Variants in SLC25A12 observed in about 807,000 individuals in gnomAD.
SLC25A12 encodes solute carrier family 25 member 12.
Under a neutral mutation model 83.3 loss-of-function variants are expected in SLC25A12, and 32 were observed. The ratio of observed to expected loss-of-function variants is 0.38; its 90% CI spans 0.29 to 0.52. The LOEUF (loss-of-function observed/expected upper bound fraction) is 0.52. SLC25A12 is among the 20% of genes least tolerant of loss of function. The probability of loss-of-function intolerance (pLI) is 0.84; values close to 1 mark genes in which losing one functional copy is unlikely to be tolerated. For missense variants in SLC25A12, 611 were observed against 835.6 expected, an observed-to-expected ratio of 0.73 and a Z score of 3.31; for synonymous variants, 267 against 291.1, an observed-to-expected ratio of 0.92 and a Z score of 0.84.
chr2:171,812,622 G>GC (rs975760676), intron 11 of SLC25A12, among the ~76,000 whole-genome samples: 25 of 151,682 alleles, frequency 1.6e-4, no homozygotes, highest in Middle Eastern at 3.4e-3. Context: ...AAGACAACGG[G>GC]GGGTGGGGAA....
chr2:171,882,250 C>A (rs759589574), intron 2 of SLC25A12, among the ~76,000 whole-genome samples: 1 of 152,162 alleles, frequency 6.6e-6, no homozygotes, highest in Non-Finnish European at 1.5e-5. Flanking sequence ...AACATACACA[C>A]CTCCCTCACC....
chr2:171,893,053 C>T (rs1185911595), intron 2 of SLC25A12, 152 bp downstream of exon 2: 2 of 588,070 alleles, frequency 3.4e-6, no homozygotes, highest in African/African-American at 3.7e-5. Flanking sequence ...TAAATCAAAC[C>T]TTATTAAGAG....
rs774758106 is a variant in SLC25A12 at position 171,864,665 on chromosome 2, C to T, written c.209+4016G>A. Among the ~76,000 whole-genome samples, 6 of 152,168 alleles carry T rather than the reference C, an allele frequency of 3.9e-5. No homozygotes were observed. The East Asian group carries it at 5.8e-4, about 15-fold the overall frequency. ...TTCCTGTTCCCTTTCCTGGAATTCT[C>T]GTCCCTACTTATCCAACTACTAACA... is the stretch of plus-strand genomic sequence containing the variant. On this transcript the variant is annotated intron_variant, in intron 3 of 17. Transcript: ENST00000422440.
intron 9 of SLC25A12, among the ~76,000 whole-genome samples, chr2:171,825,773 C>CACTCG (rs1684288279): frequency 6.6e-6 from 1 of 152,214 alleles, no homozygotes; most frequent in Non-Finnish European, 1.5e-5. Context: ...CATCTGCTAC[C>CACTCG]ACTGAAACTT....
At position 171,875,757 on chromosome 2, in the gene SLC25A12, C is replaced by T. The variant is rs190987507; in HGVS notation, c.67-6934G>A. Among the ~76,000 whole-genome samples, 221 of 151,806 alleles carry T rather than the reference C, an allele frequency of 1.5e-3. 1 individual carries two copies. Among genetic ancestry groups the T allele is most frequent in the African/African-American group, 5.1e-3 (212 of 41,402 alleles). ...TGAAACCCCGTCTCTACTAAAAATA[C>T]AAAAAATTAGCTGGGTGTGGTGGCG... On this transcript the variant is annotated intron_variant, in intron 2 of 17. Transcript: ENST00000422440.
intron 3 of SLC25A12, among the ~76,000 whole-genome samples, chr2:171,868,311 A>ATTTTTTTTTTTTTTTTTTTTTTTTTAT (rs71013084): frequency 7.7e-6 from 1 of 129,520 alleles, no homozygotes; most frequent in Non-Finnish European, 1.6e-5. Context: ...GGGTTTTTTA[A>ATTTTTTTTTTTTTTTTTTTTTTTTTAT]TTTTTTTTTT....
chr2:171,849,587 G>A lies in SLC25A12; in HGVS notation c.326-5079C>T, dbSNP rs139094827. On this transcript the variant is annotated intron_variant, in intron 4 of 17. Transcript: ENST00000422440. Reference sequence around the variant, plus strand: ...TTTTTTTTTTTTTTTTTGAGACGGAGTTTTGCTCTGTTGCCCAGGCTGGAG... The same window carrying A: ...TTTTTTTTTTTTTTTTTGAGACGGAATTTTGCTCTGTTGCCCAGGCTGGAG... Among the ~76,000 whole-genome samples, 357 of 137,742 alleles carry A rather than the reference G, an allele frequency of 2.6e-3. 12 individuals carry two copies. The East Asian group carries it at 0.063, about 24-fold the overall frequency. The allele number at this position is 137,742 out of a possible 152,430, so 90.4% of individuals were successfully genotyped here.
In SLC25A12 at chr2:171,791,495, C is replaced by T; in HGVS notation, c.1541G>A (p.Gly514Glu). The change falls in exon 15 of 18, where the codon GGA becomes GAA. Residue 514 changes from glycine to glutamate, a missense_variant. By Grantham distance (98) the Gly-to-Glu change is moderately conservative. Coordinates refer to ENST00000422440, the MANE Select transcript of SLC25A12 (RefSeq NM_003705.5). ...HCKLLLADENGHVGGLNLLAA... is the reference protein window; with the variant it reads ...HCKLLLADENEHVGGLNLLAA... ...AAGAAGATTTAAACCTCCCACGTGT[C>T]CATTTTCATCAGCCAGAAGTAGTTT... The T allele has an allele frequency of 6.2e-7, 1 of 1,613,964 alleles. No individual in the cohort carries two copies. Among genetic ancestry groups the T allele is most frequent in the Non-Finnish European group, 8.5e-7 (1 of 1,179,936 alleles).
chr2:171,822,823 T>C (rs1401702163), intron 9 of SLC25A12, among the ~76,000 whole-genome samples: 2 of 152,246 alleles, frequency 1.3e-5, no homozygotes, highest in Admixed American at 6.5e-5. Flanking sequence ...AGTGTTTTCA[T>C]AACAACTTTC....
chr2:171,864,970 T>G (rs1685254348), intron 3 of SLC25A12, among the ~76,000 whole-genome samples: 1 of 152,232 alleles, frequency 6.6e-6, no homozygotes, highest in African/African-American at 2.4e-5. Flanking sequence ...GTTCAATTAA[T>G]GTTTGCCAAA....
intron 5 of SLC25A12, among the ~76,000 whole-genome samples, chr2:171,843,254 A>C (rs1684718460): frequency 6.6e-6 from 1 of 152,242 alleles, no homozygotes. Flanking sequence ...CATTAAAAAG[A>C]GATCTTAATA....
Position 171,787,952 on chromosome 2 carries a change from C to T in SLC25A12, c.1586-5G>A. 6.2e-7 allele frequency: 1 copy of T among 1,614,198 alleles called. No homozygotes were observed. The highest frequency in any genetic ancestry group is 8.5e-7 in the Non-Finnish European group (1 of 1,180,010). The stretch of plus-strand genomic sequence containing the variant: ...CCAGAGATGCAGCTGGGACACCTTT[C>T]AGGAGAAAACCACATTTAATTTATC... On this transcript the variant is annotated splice_polypyrimidine_tract_variant and splice_region_variant and intron_variant, in intron 15 of 17. Coordinates refer to ENST00000422440, the MANE Select transcript of SLC25A12 (RefSeq NM_003705.5).
At chr2:171,840,653 G>A (rs941178304) in intron 5 of SLC25A12, among the ~76,000 whole-genome samples, 3 of 151,754 alleles carry the variant, frequency 2.0e-5, no homozygotes, top group African/African-American at 7.3e-5. Context: ...AGGCTCAGAA[G>A]GAAAATAGGA....
At chr2:171,811,554 T>C (rs1028277600) in intron 11 of SLC25A12, among the ~76,000 whole-genome samples, 7 of 152,214 alleles carry the variant, frequency 4.6e-5, no homozygotes, top group Non-Finnish European at 1.0e-4. Context: ...GTCAACAATT[T>C]TGTCAATCAT....
Position 171,783,681 on chromosome 2 carries a change from T to C in SLC25A12, c.*1593A>G, listed in dbSNP as rs756765765. On this transcript the variant is annotated 3_prime_UTR_variant, in exon 18 of 18. Transcript: ENST00000422440. ...CTCTAGATACATACATAGGATTCTT[T>C]TGTAATCACATATCCATGGACTACT... Among the ~76,000 whole-genome samples the C allele has an allele frequency of 6.6e-5, 10 of 152,244 alleles. No individual in the cohort carries two copies. Among genetic ancestry groups the C allele is most frequent in the Non-Finnish European group, 1.2e-4 (8 of 68,036 alleles).
chr2:171,812,556 A>C (rs929991780), intron 11 of SLC25A12, among the ~76,000 whole-genome samples: 4 of 152,110 alleles, frequency 2.6e-5, no homozygotes, highest in Non-Finnish European at 5.9e-5. Flanking sequence ...CCTATATTCT[A>C]ATGTGAAAAC....
At chr2:171,786,382 TAAAAAAAAA>T (rs5836348) in intron 17 of SLC25A12, among the ~76,000 whole-genome samples, 16 of 85,794 alleles carry the variant, frequency 1.9e-4, no homozygotes, top group East Asian at 9.3e-4. Context: ...AGACTCCGTC[TAAAAAAAAA>T]AAAAAAAAAA....
At chr2:171,892,378 AC>A (rs1226972462) in intron 2 of SLC25A12, among the ~76,000 whole-genome samples, 1 of 151,738 alleles carries the variant, frequency 6.6e-6, no homozygotes, top group Non-Finnish European at 1.5e-5. Flanking sequence ...GGCGCCCACC[AC>A]CACGCCCGGC....
intron 13 of SLC25A12, among the ~76,000 whole-genome samples, chr2:171,794,624 ACTT>A (rs1306498206): frequency 1.3e-5 from 2 of 151,840 alleles, no homozygotes; most frequent in Admixed American, 1.3e-4. Context: ...ACTTCTACCA[ACTT>A]CTTTTTTTTG....
Sources: allele counts gnomAD v4.1 joint callset (sites outside exome capture counted in the v4.1 genomes callset), GRCh38; gene constraint gnomAD v4.1.1; transcripts MANE v1.5; gene names NCBI Gene and HGNC (gene_info 2026-07-23, HGNC 2026-07-21).